The following ARL15 variants were observed in gnomAD, a reference collection of about 807,000 sequenced individuals.
ARL15 encodes the protein ARF like GTPase 15, also known as ADP-ribosylation factor-like protein 15.
In ARL15, 19 loss-of-function variants were observed where a neutral mutation model predicts 25.2. That is an observed-to-expected ratio of 0.75 (90% CI 0.53 to 1.10). ARL15 has a LOEUF of 1.10. ARL15 is among the 50% of genes least tolerant of loss of function. ARL15 has a pLI of 0.00. For synonymous variants in ARL15, 94 were observed against 86.8 expected (o/e 1.08, Z -0.46); for missense variants, 220 against 246.0 (o/e 0.89, Z 0.71).
In ARL15 at chr5:54,270,460, T is replaced by C. The variant is rs148965401; in HGVS notation, c.48+39972A>G. Among the ~76,000 whole-genome samples, 602 of 152,336 alleles carry C rather than the reference T, an allele frequency of 4.0e-3. 4 individuals carry two copies. Among genetic ancestry groups the C allele is most frequent in the African/African-American group, 0.013 (536 of 41,572 alleles). On this transcript the variant is annotated intron_variant, in intron 1 of 4. Coordinates refer to ENST00000504924, the MANE Select transcript of ARL15 (RefSeq NM_019087.3). ...AGACTCCTATCACTGCTACCTACCA[T>C]AACTTAGAATGCCCACGTATCCCCA...
At chr5:54,265,460 T>C (rs1404352587) in intron 1 of ARL15, among the ~76,000 whole-genome samples, 1 of 152,212 alleles carries the variant, frequency 6.6e-6, no homozygotes, top group Non-Finnish European at 1.5e-5. Context: ...CATGGTACAC[T>C]TGCAAAAATT....
chr5:53,925,113 C>CT, intron 4 of ARL15, among the ~76,000 whole-genome samples: 1 of 151,954 alleles, frequency 6.6e-6, no homozygotes, highest in South Asian at 2.1e-4. Context: ...GACACTTCAA[C>CT]TTTTTTCTTG....
chr5:54,103,386 C>T (rs145140210), intron 4 of ARL15, among the ~76,000 whole-genome samples: 2 of 152,108 alleles, frequency 1.3e-5, no homozygotes, highest in Non-Finnish European at 2.9e-5. Flanking sequence ...AGGTGTGCCT[C>T]ATATCTTCAC....
chr5:54,031,177 C>T (rs138264985), intron 4 of ARL15, among the ~76,000 whole-genome samples: 76 of 152,166 alleles, frequency 5.0e-4, no homozygotes, highest in African/African-American at 1.2e-3. Flanking sequence ...AAAGTTTGTG[C>T]CGACATAGCA....
chr5:54,282,585 G>A (rs1243376143), intron 1 of ARL15: 1 of 979,146 alleles, frequency 1.0e-6, no homozygotes, highest in East Asian at 1.3e-4. Flanking sequence ...ATCATTTAAG[G>A]AGTGTAACTT....
intron 4 of ARL15, among the ~76,000 whole-genome samples, chr5:53,936,159 A>G (rs1396328999): frequency 1.3e-5 from 2 of 152,246 alleles, no homozygotes; most frequent in Non-Finnish European, 2.9e-5. Flanking sequence ...TAATGAAACT[A>G]TATCTATCTT....
At chr5:54,063,528 G>A (rs1751129841) in intron 4 of ARL15, among the ~76,000 whole-genome samples, 2 of 152,114 alleles carry the variant, frequency 1.3e-5, no homozygotes, top group South Asian at 4.1e-4. Flanking sequence ...ACAGCACAAT[G>A]GTACACTGAT....
intron 1 of ARL15, among the ~76,000 whole-genome samples, chr5:54,301,074 G>A (rs768118823): frequency 3.0e-4 from 45 of 152,340 alleles, no homozygotes; most frequent in Admixed American, 5.9e-4. Context: ...GATGTTAAAA[G>A]ACTCCTCTGG....
chr5:54,281,544 A>C (rs1758063774), intron 1 of ARL15, among the ~76,000 whole-genome samples: 1 of 152,192 alleles, frequency 6.6e-6, no homozygotes, highest in South Asian at 2.1e-4. Flanking sequence ...GATGCTTAGC[A>C]ATACCCCTGG....
chr5:54,197,629 G>T (rs140865925), intron 1 of ARL15, among the ~76,000 whole-genome samples: 6 of 152,096 alleles, frequency 3.9e-5, no homozygotes, highest in Non-Finnish European at 8.8e-5. Flanking sequence ...CAGAGCATAA[G>T]GAGCTGAAAT....
intron 1 of ARL15, among the ~76,000 whole-genome samples, chr5:54,236,516 G>A (rs1369744417): frequency 1.3e-5 from 2 of 151,198 alleles, no homozygotes; most frequent in African/African-American, 4.9e-5. Flanking sequence ...AGCATCAGAC[G>A]CAAAAAGACA....
rs1744434155 is a variant in ARL15 at position 53,884,006 on chromosome 5, C to T, written c.*2555G>A. 1 of 152,092 alleles carries T rather than the reference C, an allele frequency of 6.6e-6. No homozygotes were observed. The allele number at this position is 152,092 out of a possible 1,614,324, so 9.4% of individuals were successfully genotyped here. On this transcript the variant is annotated 3_prime_UTR_variant, in exon 5 of 5. Transcript: ENST00000504924. Reference sequence around the variant, plus strand: ...GAAATCGTAGAAATCATGGACAATACAAGTTGGTCTTGCCTGGTAAATGTC... The same window carrying T: ...GAAATCGTAGAAATCATGGACAATATAAGTTGGTCTTGCCTGGTAAATGTC...
intron 4 of ARL15, among the ~76,000 whole-genome samples, chr5:53,971,757 A>T (rs530669978): frequency 1.3e-5 from 2 of 152,310 alleles, no homozygotes; most frequent in African/African-American, 4.8e-5. Flanking sequence ...TGATGCTGAG[A>T]GGCCAGAAAG....
chr5:54,088,703 T>TTTTGTTG (rs1752049589), intron 4 of ARL15, among the ~76,000 whole-genome samples: 1 of 152,240 alleles, frequency 6.6e-6, no homozygotes, highest in Non-Finnish European at 1.5e-5. Flanking sequence ...TAATTTGTTG[T>TTTTGTTG]TTACATGGAG....
intron 1 of ARL15, among the ~76,000 whole-genome samples, chr5:54,265,943 G>A (rs1285624530): frequency 1.3e-5 from 2 of 152,136 alleles, no homozygotes; most frequent in African/African-American, 2.4e-5. Flanking sequence ...ATTACTATTC[G>A]TATTTACAGA....
chr5:54,147,372 C>A (rs1354921106), intron 3 of ARL15, among the ~76,000 whole-genome samples: 3 of 152,080 alleles, frequency 2.0e-5, no homozygotes, highest in African/African-American at 7.2e-5. Flanking sequence ...ATGTTCTCTT[C>A]CAGCCCAATC....
intron 4 of ARL15, among the ~76,000 whole-genome samples, chr5:54,032,735 T>C (rs1220654385): frequency 6.6e-6 from 1 of 152,208 alleles, no homozygotes; most frequent in African/African-American, 2.4e-5. Context: ...ATGTTTGGTA[T>C]TATTATTTCA....
At chr5:54,304,708 G>T (rs1028067826) in intron 1 of ARL15, among the ~76,000 whole-genome samples, 1 of 152,106 alleles carries the variant, frequency 6.6e-6, no homozygotes, top group Non-Finnish European at 1.5e-5. Context: ...TATTAAGAAA[G>T]GAATATTTAA....
chr5:53,997,941 T>A (rs896014724), intron 4 of ARL15, among the ~76,000 whole-genome samples: 2 of 152,014 alleles, frequency 1.3e-5, no homozygotes, highest in African/African-American at 4.8e-5. Flanking sequence ...ATGCCTAGTC[T>A]CTTAGTAATC....
Sources: allele counts gnomAD v4.1 joint callset (sites outside exome capture counted in the v4.1 genomes callset), GRCh38; gene constraint gnomAD v4.1.1; transcripts MANE v1.5; gene names NCBI Gene and HGNC (gene_info 2026-07-23, HGNC 2026-07-21).